Variants in ARPP19 observed in about 807,000 individuals in gnomAD.
ARPP19 encodes cAMP regulated phosphoprotein 19.
A neutral mutation model predicts 12.0 loss-of-function variants in ARPP19; 8 were observed. The observed-to-expected ratio is 0.67, with a 90% confidence interval of 0.39 to 1.21. The LOEUF (loss-of-function observed/expected upper bound fraction) is 1.21, where lower values mean the gene tolerates loss of function less well. Ranked by LOEUF, ARPP19 falls within the 50% of genes most tolerant of loss-of-function variation. The pLI is 0.01. For synonymous variants in ARPP19, 47 were observed against 50.4 expected (o/e 0.93, Z 0.29); for missense variants, 102 against 136.3 (o/e 0.75, Z 1.25).
intron 1 of ARPP19, among the ~76,000 whole-genome samples, chr15:52,566,947 C>G (rs1175415965): frequency 6.7e-6 from 1 of 150,134 alleles, no homozygotes; most frequent in East Asian, 1.9e-4. Flanking sequence ...CGGCAACAGG[C>G]AACCTACCAG....
chr15:52,552,243 G>A, intron 2 of ARPP19, 139 bp from the exon 3 acceptor site: 1 of 612,402 alleles, frequency 1.6e-6, no homozygotes, highest in Non-Finnish European at 2.9e-6. Flanking sequence ...AATAGTCTCT[G>A]TACTGAGTTC....
rs2078112684 is a variant in ARPP19 at position 52,568,829 on chromosome 15, TCA to T, written c.45+17_45+18del. 1 of 1,563,258 alleles carries T rather than the reference TCA, an allele frequency of 6.4e-7. No homozygotes were observed. The highest frequency in any genetic ancestry group is 2.6e-5 in the East Asian group (1 of 38,700). On this transcript the variant is annotated intron_variant, in intron 1 of 2. Coordinates refer to ENST00000249822, the MANE Select transcript of ARPP19 (RefSeq NM_006628.6). ...CCCGGCCTTGGGCAGGGCCCAGGGC[TCA>T]CGCCCCGCGCGCTCACCTTCTGCTC...
Position 52,548,484 on chromosome 15 carries a change from C to CA in ARPP19, c.*3449dup, listed in dbSNP as rs34847422. The CA allele has an allele frequency of 0.12, 16,829 of 140,976 alleles. 1,028 individuals carry two copies. Among genetic ancestry groups the CA allele is most frequent in the Middle Eastern group, 0.17 (49 of 286 alleles). 8.7% of individuals were successfully genotyped at this position (140,976 alleles called of 1,614,324 possible). A position where few individuals can be genotyped will look rare whatever the true frequency, so the allele number is the denominator to read the frequency against. ...CCTGGGCAAGAGTGAGACTCCATCT[C>CA]AAAAAAAAAAAAGAATAAAATAAAA... On this transcript the variant is annotated 3_prime_UTR_variant, in exon 3 of 3. Coordinates refer to ENST00000249822, the MANE Select transcript of ARPP19 (RefSeq NM_006628.6).
In ARPP19 at chr15:52,547,763, T is replaced by G. The variant is rs2077891337; in HGVS notation, c.*4171A>C. ...GTTAGAGTTGGGAATGTGGCTCAAA[T>G]TAGTCAATATTGATTAGGATATTGT... On this transcript the variant is annotated 3_prime_UTR_variant, in exon 3 of 3. Transcript: ENST00000249822. 1 of 152,214 alleles carries G rather than the reference T, an allele frequency of 6.6e-6. No homozygotes were observed. The highest frequency in any genetic ancestry group is 2.1e-4 in the South Asian group (1 of 4,830). 9.4% of individuals were successfully genotyped at this position (152,214 alleles called of 1,614,324 possible). A position where few individuals can be genotyped will look rare whatever the true frequency, so the allele number is the denominator to read the frequency against.
At chr15:52,563,744 A>G (rs1279771334) in intron 1 of ARPP19, among the ~76,000 whole-genome samples, 2 of 152,244 alleles carry the variant, frequency 1.3e-5, no homozygotes, top group African/African-American at 4.8e-5. Flanking sequence ...ATTCTCCTCT[A>G]TCTGCTCAGC....
rs2077887152 is a variant in ARPP19, at chr15:52,547,396, C to T, written c.*4538G>A. On this transcript the variant is annotated 3_prime_UTR_variant, in exon 3 of 3. Transcript: ENST00000249822. The stretch of plus-strand genomic sequence containing the variant: ...CAAAACAAGGCATTTACTCTTGGCC[C>T]TTTCAGTACAGGCGAAGTGTTCTAT... 1 of 152,174 alleles carries T rather than the reference C, an allele frequency of 6.6e-6. No individual in the cohort carries two copies. The highest frequency in any genetic ancestry group is 2.4e-5 in the African/African-American group (1 of 41,428). 9.4% of individuals were successfully genotyped at this position (152,174 alleles called of 1,614,324 possible). A position where few individuals can be genotyped will look rare whatever the true frequency, so the allele number is the denominator to read the frequency against.
At chr15:52,558,418 C>G (rs2078001425) in intron 1 of ARPP19, among the ~76,000 whole-genome samples, 1 of 150,112 alleles carries the variant, frequency 6.7e-6, no homozygotes. Context: ...CCACTGCACT[C>G]TAGCCTGGGT....
intron 2 of ARPP19, among the ~76,000 whole-genome samples, chr15:52,554,991 T>C (rs1023935869): frequency 6.6e-6 from 1 of 152,102 alleles, no homozygotes; most frequent in Non-Finnish European, 1.5e-5. Flanking sequence ...TAAGGTAATT[T>C]GTCAAGTTTG....
In ARPP19 at chr15:52,550,840, G is replaced by A. The variant is rs2077923387; in HGVS notation, c.*1094C>T. On this transcript the variant is annotated 3_prime_UTR_variant, in exon 3 of 3. Transcript: ENST00000249822. ...TCTAGGGTCTCCAAAACTGAGTGTG[G>A]AAGTAAAAAGTTTCTACATTTAAAA... 6.6e-6 allele frequency: 1 copy of A among 152,626 alleles called. No homozygotes were observed. Among genetic ancestry groups the A allele is most frequent in the Non-Finnish European group, 1.5e-5 (1 of 68,038 alleles). 9.5% of individuals were successfully genotyped at this position (152,626 alleles called of 1,614,324 possible).
chr15:52,555,396 G>A (rs996914990), intron 2 of ARPP19, among the ~76,000 whole-genome samples: 1 of 143,236 alleles, frequency 7.0e-6, no homozygotes, highest in Non-Finnish European at 1.6e-5. Context: ...AATAGCCAAA[G>A]ATTAAATAAT....
rs891481241 is a variant in ARPP19 at position 52,547,669 on chromosome 15, C to T, written c.*4265G>A. 6.6e-6 allele frequency: 1 copy of T among 152,092 alleles called. No individual in the cohort carries two copies. The highest frequency in any genetic ancestry group is 2.4e-5 in the African/African-American group (1 of 41,400). The allele number at this position is 152,092 out of a possible 1,614,324, so 9.4% of individuals were successfully genotyped here. A position where few individuals can be genotyped will look rare whatever the true frequency, so the allele number is the denominator to read the frequency against. On this transcript the variant is annotated 3_prime_UTR_variant, in exon 3 of 3. Coordinates refer to ENST00000249822, the MANE Select transcript of ARPP19 (RefSeq NM_006628.6). Reference sequence around the variant, plus strand: ...TGACAGAGTGAGATATCTTTGATTACAATTTTATAAGGTGTGGTGGGGAAT... The same window carrying T: ...TGACAGAGTGAGATATCTTTGATTATAATTTTATAAGGTGTGGTGGGGAAT...
intron 1 of ARPP19, among the ~76,000 whole-genome samples, chr15:52,567,053 TG>T (rs1412261856): frequency 6.6e-6 from 1 of 152,206 alleles, no homozygotes; most frequent in Admixed American, 6.5e-5. Flanking sequence ...GTCATCGAAC[TG>T]ATCTTCCAAA....
At chr15:52,559,153 A>C (rs528639979) in intron 1 of ARPP19, among the ~76,000 whole-genome samples, 2 of 152,276 alleles carry the variant, frequency 1.3e-5, no homozygotes, top group South Asian at 4.1e-4. Context: ...CATTTATGTT[A>C]TCTCTTTACA....
intron 1 of ARPP19, among the ~76,000 whole-genome samples, chr15:52,564,801 A>T (rs983926219): frequency 1.3e-5 from 2 of 152,168 alleles, no homozygotes; most frequent in African/African-American, 4.8e-5. Flanking sequence ...AGAGTTCTTA[A>T]GTGGGTCTAA....
At chr15:52,561,045 T>G (rs1193971725) in intron 1 of ARPP19, among the ~76,000 whole-genome samples, 3 of 152,240 alleles carry the variant, frequency 2.0e-5, no homozygotes, top group African/African-American at 4.8e-5. Context: ...AAAAATCATA[T>G]TCCTTCCTTT....
intron 1 of ARPP19, chr15:52,564,249 G>A: frequency 2.4e-5 from 37 of 1,532,794 alleles, no homozygotes; most frequent in Non-Finnish European, 3.2e-5. Flanking sequence ...TGTTCACTCT[G>A]AATAGAAATA....
chr15:52,555,983 TTAAC>T (rs1410957585), intron 2 of ARPP19, among the ~76,000 whole-genome samples: 2 of 152,088 alleles, frequency 1.3e-5, no homozygotes, highest in Non-Finnish European at 2.9e-5. Context: ...ATTTTAGACA[TTAAC>T]TAACATTTTT....
rs182375245 is a variant in ARPP19, at chr15:52,554,505, A to C, written c.169-2401T>G. ...ATAACAACGATGATGATATGTCTTT[A>C]ACAATCTCTAAATTTCATGAGTTTG... On this transcript the variant is annotated intron_variant, in intron 2 of 2. Transcript: ENST00000249822. Among the ~76,000 whole-genome samples the C allele has an allele frequency of 2.6e-3, 392 of 152,334 alleles. 1 individual carries two copies. The highest frequency in any genetic ancestry group is 0.025 in the South Asian group (122 of 4,828).
At chr15:52,568,255 GCA>G (rs2078104562) in intron 1 of ARPP19, 1 of 152,198 alleles carries the variant, frequency 6.6e-6, no homozygotes, top group South Asian at 2.1e-4. Flanking sequence ...ACCTTTTTGA[GCA>G]CAGACTGCGC....
Sources: gnomAD v4.1 joint callset for allele counts (sites outside exome capture counted in the v4.1 genomes callset) on GRCh38, gnomAD v4.1.1 for gene constraint, MANE v1.5 for transcripts, NCBI Gene and HGNC (gene_info 2026-07-23, HGNC 2026-07-21) for gene names.